Variants in FN1 observed in about 807,000 individuals in gnomAD.
The protein encoded by FN1 is fibronectin.
Under a neutral mutation model 297.3 loss-of-function variants are expected in FN1, and 106 were observed. The observed-to-expected ratio is 0.36, with a 90% CI of 0.30 to 0.42. The LOEUF is 0.42. FN1 is among the 10% of genes least tolerant of loss of function. FN1 has a pLI of 1.00. For missense variants in FN1, 2,690 were observed against 3,124.9 expected, an observed-to-expected ratio of 0.86 and a Z score of 3.32; for synonymous variants, 1,149 against 1,152.6, an observed-to-expected ratio of 1.00 and a Z score of 0.06.
intron 5 of FN1, among the ~76,000 whole-genome samples, chr2:215,429,631 A>G (rs1003554758): frequency 6.6e-6 from 1 of 152,228 alleles, no homozygotes. Flanking sequence ...CCATAGCACT[A>G]CTTTCAGTAT....
chr2:215,407,964 A>C, intron 17 of FN1, 144 bp downstream of exon 17: 1 of 592,296 alleles, frequency 1.7e-6, no homozygotes, highest in Non-Finnish European at 3.0e-6. Context: ...CCACACACAC[A>C]CACACACACA....
At chr2:215,427,110 C>T (rs578017108) in intron 6 of FN1, among the ~76,000 whole-genome samples, 361 of 151,818 alleles carry the variant, frequency 2.4e-3, no homozygotes, top group Middle Eastern at 6.8e-3. Context: ...CTCCTGACCT[C>T]GTGATCCGCC....
rs2067397757 is a variant in FN1 at position 215,435,878 on chromosome 2, G to C, written c.-76C>G. ...AGTTTGCTTCCCTTCGCAACCTGCG[G>C]GAAAAATCCCTTCTAATGCCTCCCG... is the stretch of plus-strand genomic sequence containing the variant. On this transcript the variant is annotated 5_prime_UTR_variant, in exon 1 of 46. Coordinates refer to ENST00000354785, the MANE Select transcript of FN1 (RefSeq NM_212482.4). The C allele has an allele frequency of 6.7e-7, 1 of 1,485,548 alleles. No individual in the cohort carries two copies. The highest frequency in any genetic ancestry group is 8.9e-7 in the Non-Finnish European group (1 of 1,120,462). 92.0% of individuals were successfully genotyped at this position (1,485,548 alleles called of 1,614,324 possible). A position where few individuals can be genotyped will look rare whatever the true frequency, so the allele number is the denominator to read the frequency against.
At chr2:215,397,367 A>G in intron 22 of FN1, 144 bp from the exon 23 acceptor site, 1 of 681,852 alleles carries the variant, frequency 1.5e-6, no homozygotes, top group Non-Finnish European at 2.6e-6. Flanking sequence ...CATTATGAAA[A>G]TATGATGGAC....
chr2:215,393,622 A>G (rs950029545), intron 24 of FN1: 1 of 152,226 alleles, frequency 6.6e-6, no homozygotes, highest in African/African-American at 2.4e-5. Flanking sequence ...ATAAGCTTGC[A>G]TGAAGAAGGT....
rs7608342 is a variant in FN1, at chr2:215,381,357, A to G, written c.5165-277T>C. On this transcript the variant is annotated intron_variant, in intron 32 of 45. Coordinates refer to ENST00000354785, the MANE Select transcript of FN1 (RefSeq NM_212482.4). ...GGGATGTATTTATATTAATTTAAAG[A>G]TATTCTACCACGATTTGATTTTTAC... 180,507 of 481,772 alleles carry G rather than the reference A, an allele frequency of 0.37. 37,293 individuals are homozygous for G. Among genetic ancestry groups the G allele is most frequent in the South Asian group, 0.52 (23,424 of 44,928 alleles). 29.8% of individuals were successfully genotyped at this position (481,772 alleles called of 1,614,324 possible).
chr2:215,387,733 G>A (rs1358320212), intron 27 of FN1, among the ~76,000 whole-genome samples: 1 of 152,080 alleles, frequency 6.6e-6, no homozygotes, highest in African/African-American at 2.4e-5. Context: ...ACACTAAAGT[G>A]TACCTTTTGA....
At chr2:215,370,557 A>AAAACAG in intron 40 of FN1, 125 bp from the exon 41 acceptor site, 1 of 808,570 alleles carries the variant, frequency 1.2e-6, no homozygotes, top group East Asian at 2.8e-5. Flanking sequence ...CAAAAAACAA[A>AAAACAG]AAAAAAAAAA....
chr2:215,390,308 C>T (rs1055753956), intron 26 of FN1, among the ~76,000 whole-genome samples: 50 of 152,298 alleles, frequency 3.3e-4, no homozygotes, highest in Admixed American at 3.0e-3. Context: ...CCTCAACTTC[C>T]TACATAGCTG....
At chr2:215,368,828 T>G (rs906090787) in intron 41 of FN1, among the ~76,000 whole-genome samples, 1 of 152,136 alleles carries the variant, frequency 6.6e-6, no homozygotes, top group Non-Finnish European at 1.5e-5. Flanking sequence ...TCTTTATGAT[T>G]TGGAAAAGCT....
chr2:215,404,283 G>C (rs1025381325), intron 20 of FN1, 106 bp downstream of exon 20: 3 of 1,176,670 alleles, frequency 2.5e-6, no homozygotes, highest in Non-Finnish European at 3.7e-6. Flanking sequence ...TTTAAATTAT[G>C]TACTAATTTT....
chr2:215,435,740 C>T lies in FN1; in HGVS notation c.63G>A (p.Val21=), dbSNP rs748401483. The change falls in exon 1 of 46, where the codon GTG becomes GTA. Residue 21 remains valine (V), a synonymous_variant. Transcript: ENST00000354785. ...LLAVQCLGTA[V]PSTGASKSKR... ...TGCTCTTCGAGGCTCCCGTGGAGGG[C>T]ACCGCTGTCCCCAGGCACTGGACGG... The T allele has an allele frequency of 6.2e-7, 1 of 1,605,684 alleles. No individual in the cohort carries two copies. Among genetic ancestry groups the T allele is most frequent in the South Asian group, 1.1e-5 (1 of 89,532 alleles).
intron 40 of FN1, 122 bp from the exon 41 acceptor site, chr2:215,370,554 C>CAAAAAAAA: frequency 1.3e-4 from 41 of 313,310 alleles, no homozygotes; most frequent in South Asian, 2.7e-4. Context: ...AAACAAAAAA[C>CAAAAAAAA]AAAAAAAAAA....
Position 215,384,955 on chromosome 2 carries a change from A to C in FN1, c.4634T>G (p.Leu1545Arg). The change falls in exon 29 of 46, where the codon CTG becomes CGG. Residue 1545 changes from leucine to arginine, a missense_variant. By Grantham distance (102) the Leu-to-Arg change is moderately radical (BLOSUM62 -2). Coordinates refer to ENST00000354785, the MANE Select transcript of FN1 (RefSeq NM_212482.4). ...GGTGGGGGTCGCAGCAACAACTTCC[A>C]GGTCCCTCGGAACATCAGAAACTAG... Reference protein sequence around the residue: ...QSTVSDVPRDLEVVAATPTSL... With the variant: ...QSTVSDVPRDREVVAATPTSL... 6.2e-7 allele frequency: 1 copy of C among 1,613,612 alleles called. No individual in the cohort carries two copies. The highest frequency in any genetic ancestry group is 8.5e-7 in the Non-Finnish European group (1 of 1,179,588).
At chr2:215,432,069 A>T in intron 3 of FN1, 105 bp from the exon 4 acceptor site, 2 of 1,306,534 alleles carry the variant, frequency 1.5e-6, no homozygotes, top group Non-Finnish European at 2.2e-6. Context: ...AAGTAGAGAC[A>T]CAGACAACAG....
chr2:215,375,703 G>A lies in FN1; in HGVS notation c.5903C>T (p.Thr1968Ile). Reference protein sequence around the residue: ...SYTITGLQPGTDYKIYLYTLN... With the variant: ...SYTITGLQPGIDYKIYLYTLN... ...GGTGTACAGGTAGATCTTGTAGTCA[G>A]TGCCTGGTTGTAAACCTGGGATTTG... is the stretch of plus-strand genomic sequence containing the variant. Residue 1968 changes from threonine to isoleucine, a missense_variant, in exon 37 of 46, where the codon ACT (threonine) becomes ATT (isoleucine). Coordinates refer to ENST00000354785, the MANE Select transcript of FN1 (RefSeq NM_212482.4). 3 of 1,609,516 alleles carry A rather than the reference G, an allele frequency of 1.9e-6. No individual in the cohort carries two copies. Among genetic ancestry groups the A allele is most frequent in the Non-Finnish European group, 2.6e-6 (3 of 1,175,782 alleles).
intron 27 of FN1, among the ~76,000 whole-genome samples, chr2:215,387,205 T>C (rs2059137254): frequency 6.6e-6 from 1 of 152,180 alleles, no homozygotes; most frequent in Non-Finnish European, 1.5e-5. Context: ...TTGTGCTAAG[T>C]AATTCAAGCA....
intron 25 of FN1, chr2:215,392,221 C>T (rs1435680969): frequency 4.4e-6 from 1 of 224,872 alleles, no homozygotes; most frequent in Non-Finnish European, 8.9e-6. Context: ...GGGTCCTAAA[C>T]TTCCCCCCAT....
At chr2:215,419,460 C>T in intron 11 of FN1, 75 bp from the exon 12 acceptor site, 1 of 1,236,966 alleles carries the variant, frequency 8.1e-7, no homozygotes, top group Middle Eastern at 1.9e-4. Context: ...GGTGCTAGAG[C>T]ATACATTTAG....
Sources: gnomAD v4.1 joint callset for allele counts (sites outside exome capture counted in the v4.1 genomes callset) on GRCh38, gnomAD v4.1.1 for gene constraint, MANE v1.5 for transcripts, NCBI Gene and HGNC (gene_info 2026-07-23, HGNC 2026-07-21) for gene names.